Variants in SMARCA4 observed in about 807,000 individuals in gnomAD.
The protein encoded by SMARCA4 is SWI/SNF-related matrix-associated actin-dependent regulator of chromatin subfamily A member 4.
Under a neutral mutation model 193.9 loss-of-function variants are expected in SMARCA4, and 31 were observed. The observed-to-expected ratio is 0.16, with a 90% CI of 0.12 to 0.22. The LOEUF is 0.22. SMARCA4 is among the 10% of genes least tolerant of loss of function. The probability of loss-of-function intolerance (pLI) is 1.00; values close to 1 mark genes in which losing one functional copy is unlikely to be tolerated. For synonymous variants in SMARCA4, 942 were observed against 933.1 expected, an observed-to-expected ratio of 1.01 and a Z score of -0.17; for missense variants, 1,148 against 2,296.0, an observed-to-expected ratio of 0.50 and a Z score of 10.22.
At position 10,976,505 on chromosome 19, in the gene SMARCA4, T is replaced by C. The variant is rs111761653; in HGVS notation, c.-31-7616T>C. Among the ~76,000 whole-genome samples, 277 of 152,188 alleles carry C rather than the reference T, an allele frequency of 1.8e-3. 1 individual carries two copies. The highest frequency in any genetic ancestry group is 6.8e-3 in the Middle Eastern group (2 of 294). ...GTGCGGTGGCTCATGCCTGTAGTCCTAGCACTTTCGGAGGTTGAGGTGGGC... is the reference window on the plus strand; with the variant it reads ...GTGCGGTGGCTCATGCCTGTAGTCCCAGCACTTTCGGAGGTTGAGGTGGGC... On this transcript the variant is annotated intron_variant, in intron 1 of 34. Transcript: ENST00000344626.
rs2146516906 is a variant in SMARCA4 at position 11,026,344 on chromosome 19, A to G, written c.3213A>G (p.Gln1071=). 6.2e-7 allele frequency: 1 copy of G among 1,613,658 alleles called. No homozygotes were observed. Among genetic ancestry groups the G allele is most frequent in the Non-Finnish European group, 8.5e-7 (1 of 1,179,670 alleles). Reference sequence around the variant, plus strand: ...TGGGGTTCACTGGCGGCATTGTCCAAGGGTGAGAAGCTTCCCAACTGGATG... The same window carrying G: ...TGGGGTTCACTGGCGGCATTGTCCAGGGGTGAGAAGCTTCCCAACTGGATG... The part of the protein sequence containing the change: ...EHLGFTGGIV[Q]GLDLYRASGK... The change falls in exon 23 of 35, where the codon CAA becomes CAG. Residue 1071 remains glutamine, a splice_region_variant and synonymous_variant. Coordinates refer to ENST00000344626, the MANE Select transcript of SMARCA4 (RefSeq NM_003072.5).
In SMARCA4 at chr19:10,987,124, G is replaced by T. The variant is rs1246385028; in HGVS notation, c.859+121G>T. Reference sequence around the variant, plus strand: ...GGGTGGTCAGGCTGAACTGCAGCCTGTACTTTTCTTGTGGTGGTCCCCGGG... The same window carrying T: ...GGGTGGTCAGGCTGAACTGCAGCCTTTACTTTTCTTGTGGTGGTCCCCGGG... On this transcript the variant is annotated intron_variant, in intron 5 of 34. Coordinates refer to ENST00000344626, the MANE Select transcript of SMARCA4 (RefSeq NM_003072.5). This position sits in a 1 kb window ranked among gnomAD's most constrained non-coding sequence, Gnocchi z 5.3. 4.0e-6 allele frequency: 3 copies of T among 741,734 alleles called. No individual in the cohort carries two copies. Among genetic ancestry groups the T allele is most frequent in the Non-Finnish European group, 7.1e-6 (3 of 424,606 alleles). The allele number at this position is 741,734 out of a possible 1,614,324, so 45.9% of individuals were successfully genotyped here. A position where few individuals can be genotyped will look rare whatever the true frequency, so the allele number is the denominator to read the frequency against.
At chr19:11,024,511 G>A (rs1349151407) in intron 21 of SMARCA4, 73 bp downstream of exon 21, 1 of 952,574 alleles carries the variant, frequency 1.0e-6, no homozygotes, top group Non-Finnish European at 1.7e-6. Flanking sequence ...GCAGAGCAGA[G>A]CGTGCTCTGA....
intron 30 of SMARCA4, chr19:11,056,170 T>A (rs1189867620): frequency 2.0e-5 from 3 of 152,220 alleles, no homozygotes; most frequent in African/African-American, 7.2e-5. Flanking sequence ...GAGCTGCAGA[T>A]GGGACACACA....
At chr19:10,989,686 T>TTTC (rs916559659) in intron 7 of SMARCA4, among the ~76,000 whole-genome samples, 6 of 150,614 alleles carry the variant, frequency 4.0e-5, no homozygotes, top group Non-Finnish European at 8.8e-5. Context: ...TATGGGCTTC[T>TTTC]TTCTTCCTTT....
chr19:10,984,500 C>T lies in SMARCA4; in HGVS notation c.222+127C>T. The T allele has an allele frequency of 6.7e-7, 1 of 1,492,680 alleles. No homozygotes were observed. The highest frequency in any genetic ancestry group is 1.2e-5 in the South Asian group (1 of 80,952). The allele number at this position is 1,492,680 out of a possible 1,614,324, so 92.5% of individuals were successfully genotyped here. A position where few individuals can be genotyped will look rare whatever the true frequency, so the allele number is the denominator to read the frequency against. On this transcript the variant is annotated intron_variant, in intron 2 of 34. Coordinates refer to ENST00000344626, the MANE Select transcript of SMARCA4 (RefSeq NM_003072.5). The surrounding 1 kb of genome is among the most constrained non-coding windows in gnomAD (Gnocchi z 4.3). ...TCTTGTTGGAGGTGTCCTGCCTTGG[C>T]TCAGCCCCCTACCCCAGGGCCCACG...
rs1188533264 is a variant in SMARCA4, at chr19:11,030,063, T to A, written c.3383-667T>A. 6.6e-6 allele frequency among the ~76,000 whole-genome samples: 1 copy of A among 152,148 alleles called. No homozygotes were observed. Among genetic ancestry groups the A allele is most frequent in the Non-Finnish European group, 1.5e-5 (1 of 68,014 alleles). On this transcript the variant is annotated intron_variant, in intron 24 of 34. Coordinates refer to ENST00000344626, the MANE Select transcript of SMARCA4 (RefSeq NM_003072.5). This position sits in a 1 kb window ranked among gnomAD's most constrained non-coding sequence, Gnocchi z 5.5. ...CCAGCAGCGCAGGGAGTGTTGACAT[T>A]GCCTTAATGCCCACAACGCTGAGGG... is the stretch of plus-strand genomic sequence containing the variant.
intron 30 of SMARCA4, among the ~76,000 whole-genome samples, chr19:11,047,954 CT>C (rs961249025): frequency 5.9e-5 from 9 of 152,124 alleles, no homozygotes. Context: ...AAGTTACATT[CT>C]TTTTTATTAT....
chr19:10,966,427 C>G (rs1030962205), intron 1 of SMARCA4, among the ~76,000 whole-genome samples: 1 of 151,918 alleles, frequency 6.6e-6, no homozygotes, highest in Non-Finnish European at 1.5e-5. Flanking sequence ...CCCGTCTCTA[C>G]AGAAAAGTTA....
chr19:10,997,963 T>A (rs1488171098), intron 11 of SMARCA4, among the ~76,000 whole-genome samples: 1 of 152,182 alleles, frequency 6.6e-6, no homozygotes, highest in Non-Finnish European at 1.5e-5. Flanking sequence ...TTTGGCCAGT[T>A]TTTCCAGTTA....
chr19:10,991,016 A>G (rs1251282498), intron 7 of SMARCA4, 134 bp from the exon 8 acceptor site: 29 of 1,437,620 alleles, frequency 2.0e-5, no homozygotes, highest in Non-Finnish European at 2.5e-5. Context: ...CGTCCCCTGC[A>G]CACACGGACT....
Position 11,041,142 on chromosome 19 carries a change from C to T in SMARCA4, c.4171-165C>T. Reference sequence around the variant, plus strand: ...GTCTTTCACTGCAGCCCAGGCACCCCTTGAGAGTCCCAGTGTGTGTTATGC... The same window carrying T: ...GTCTTTCACTGCAGCCCAGGCACCCTTTGAGAGTCCCAGTGTGTGTTATGC... On this transcript the variant is annotated intron_variant, in intron 29 of 34. Transcript: ENST00000344626. This position sits in a 1 kb window ranked among gnomAD's most constrained non-coding sequence, Gnocchi z 5.6. 1.4e-6 allele frequency: 1 copy of T among 716,190 alleles called. No individual in the cohort carries two copies. The highest frequency in any genetic ancestry group is 2.3e-6 in the Non-Finnish European group (1 of 426,102). 44.4% of individuals were successfully genotyped at this position (716,190 alleles called of 1,614,324 possible).
In SMARCA4 at chr19:11,033,102, C is replaced by A; in HGVS notation, c.3547-188C>A. ...GGAGGAACGTGATGAGAGTCCCCTT[C>A]CCCCGAGGGACACATGGCGGCCCAG... is the stretch of plus-strand genomic sequence containing the variant. On this transcript the variant is annotated intron_variant, in intron 25 of 34. Transcript: ENST00000344626. The surrounding 1 kb of genome is among the most constrained non-coding windows in gnomAD (Gnocchi z 9.8). 1.5e-6 allele frequency: 1 copy of A among 664,876 alleles called. No individual in the cohort carries two copies. Among genetic ancestry groups the A allele is most frequent in the Non-Finnish European group, 2.8e-6 (1 of 363,342 alleles). The allele number at this position is 664,876 out of a possible 1,614,324, so 41.2% of individuals were successfully genotyped here.
chr19:11,054,276 C>A (rs1395929695), intron 30 of SMARCA4, among the ~76,000 whole-genome samples: 1 of 152,224 alleles, frequency 6.6e-6, no homozygotes, highest in Non-Finnish European at 1.5e-5. Flanking sequence ...CTGAGCACAG[C>A]CCAGATGCCC....
In SMARCA4 at chr19:10,967,578, G is replaced by A. The variant is rs112226965; in HGVS notation, c.-32+6404G>A. 1.8e-3 allele frequency among the ~76,000 whole-genome samples: 267 copies of A among 152,122 alleles called. 2 individuals are homozygous for A. The highest frequency in any genetic ancestry group is 6.8e-3 in the Middle Eastern group (2 of 294). ...GTCTGCCTCAGCCTCCCAAACTGCTGGGATTACAGGCGTGAGCCACTGCGC... is the reference window on the plus strand; with the variant it reads ...GTCTGCCTCAGCCTCCCAAACTGCTAGGATTACAGGCGTGAGCCACTGCGC... On this transcript the variant is annotated intron_variant, in intron 1 of 34. Coordinates refer to ENST00000344626, the MANE Select transcript of SMARCA4 (RefSeq NM_003072.5).
chr19:10,973,893 G>A (rs550395910), intron 1 of SMARCA4, among the ~76,000 whole-genome samples: 54 of 152,138 alleles, frequency 3.5e-4, no homozygotes, highest in African/African-American at 1.2e-3. Context: ...ATAGACCACC[G>A]AGGGGAACAT....
At chr19:11,039,484 C>G in intron 29 of SMARCA4, 1 of 1,603,242 alleles carries the variant, frequency 6.2e-7, no homozygotes, top group Non-Finnish European at 8.5e-7. Flanking sequence ...ATATCCATGA[C>G]ACAGCCAGCA....
intron 16 of SMARCA4, among the ~76,000 whole-genome samples, chr19:11,015,306 C>A (rs1168305348): frequency 6.6e-6 from 1 of 152,214 alleles, no homozygotes; most frequent in East Asian, 1.9e-4. Context: ...TTGCTCTGGT[C>A]CAGGATCCCA....
At chr19:11,014,149 C>T (rs1376967420) in intron 16 of SMARCA4, among the ~76,000 whole-genome samples, 5 of 152,196 alleles carry the variant, frequency 3.3e-5, no homozygotes, top group Non-Finnish European at 7.3e-5. Flanking sequence ...TCCAACCAGG[C>T]ACTCATTGGG....
Sources: allele counts gnomAD v4.1 joint callset (sites outside exome capture counted in the v4.1 genomes callset), GRCh38; gene constraint gnomAD v4.1.1; non-coding constraint Gnocchi (gnomAD v3.1); transcripts MANE v1.5; gene names NCBI Gene and HGNC (gene_info 2026-07-23, HGNC 2026-07-21).